Variants in PLPPR1 observed in about 807,000 individuals in gnomAD.
The protein encoded by PLPPR1 is phospholipid phosphatase-related protein type 1.
A neutral mutation model predicts 33.1 loss-of-function variants in PLPPR1; 10 were observed. That is an observed-to-expected ratio of 0.30 (90% confidence interval 0.19 to 0.51). The LOEUF (loss-of-function observed/expected upper bound fraction) is 0.51, where lower values mean the gene tolerates loss of function less well. Among genes scored for constraint, PLPPR1 ranks in the 20% least tolerant of loss-of-function variants. PLPPR1 has a pLI of 0.97. For synonymous variants in PLPPR1, 151 were observed against 151.0 expected (o/e 1.00, Z 0.00); for missense variants, 304 against 408.1 (o/e 0.74, Z 2.20).
intron 1 of PLPPR1, among the ~76,000 whole-genome samples, chr9:101,031,558 A>G (rs938542668): frequency 1.3e-5 from 2 of 152,218 alleles, no homozygotes; most frequent in Non-Finnish European, 2.9e-5. Context: ...TACTTGTTAC[A>G]TGCTGGAGGC....
rs549712791 is a variant in PLPPR1, at chr9:101,300,834, T to C, written c.386-8377T>C. Reference sequence around the variant, plus strand: ...TCCACTTTAAAGTTACCATAGCCTCTGGCAAACTTTTATGTTTTCCTCTGT... The same window carrying C: ...TCCACTTTAAAGTTACCATAGCCTCCGGCAAACTTTTATGTTTTCCTCTGT... On this transcript the variant is annotated intron_variant, in intron 4 of 7. Transcript: ENST00000374874. Among the ~76,000 whole-genome samples the C allele has an allele frequency of 7.9e-5, 12 of 152,340 alleles. No homozygotes were observed. In the East Asian group the frequency reaches 2.3e-3, roughly 29 times the overall value.
At chr9:101,210,399 G>A (rs1826668718) in intron 2 of PLPPR1, among the ~76,000 whole-genome samples, 1 of 152,112 alleles carries the variant, frequency 6.6e-6, no homozygotes. Context: ...AGTAAGCAGT[G>A]GTTAAACAAC....
chr9:101,261,067 T>C (rs1270107420), intron 2 of PLPPR1, among the ~76,000 whole-genome samples: 1 of 152,184 alleles, frequency 6.6e-6, no homozygotes, highest in Non-Finnish European at 1.5e-5. Flanking sequence ...CTAAGCTTTT[T>C]ATATACATCA....
intron 1 of PLPPR1, among the ~76,000 whole-genome samples, chr9:101,135,804 C>A (rs904663083): frequency 6.6e-6 from 1 of 152,206 alleles, no homozygotes; most frequent in Admixed American, 6.5e-5. Flanking sequence ...CATTCTTGTA[C>A]ATTTTCACCT....
At chr9:101,264,752 G>A (rs1000324326) in intron 2 of PLPPR1, among the ~76,000 whole-genome samples, 1 of 152,084 alleles carries the variant, frequency 6.6e-6, no homozygotes, top group African/African-American at 2.4e-5. Flanking sequence ...GTCTGTGCTT[G>A]GTTCATTGTT....
intron 2 of PLPPR1, among the ~76,000 whole-genome samples, chr9:101,253,291 T>TA (rs1827743490): frequency 6.6e-6 from 1 of 152,030 alleles, no homozygotes; most frequent in South Asian, 2.1e-4. Context: ...TTCATGCCTG[T>TA]AATCCCAGCA....
At chr9:101,200,783 A>T (rs1281061595) in intron 2 of PLPPR1, among the ~76,000 whole-genome samples, 1 of 152,196 alleles carries the variant, frequency 6.6e-6, no homozygotes, top group Non-Finnish European at 1.5e-5. Context: ...TTCTGGGGAT[A>T]AATGTTTGGT....
At chr9:101,170,134 T>C (rs1485929530) in intron 1 of PLPPR1, among the ~76,000 whole-genome samples, 1 of 152,118 alleles carries the variant, frequency 6.6e-6, no homozygotes, top group Non-Finnish European at 1.5e-5. Context: ...TATGAAGTGC[T>C]AAGGTTACTG....
chr9:101,164,694 C>T (rs192342905), intron 1 of PLPPR1, among the ~76,000 whole-genome samples: 3 of 152,034 alleles, frequency 2.0e-5, no homozygotes, highest in East Asian at 3.9e-4. Context: ...TTTTCATTCC[C>T]GTGATCCTTA....
chr9:101,172,652 T>G (rs1384647849), intron 1 of PLPPR1, among the ~76,000 whole-genome samples: 5 of 152,108 alleles, frequency 3.3e-5, no homozygotes, highest in African/African-American at 1.2e-4. Flanking sequence ...AAGGTCCCTC[T>G]GCAAACCCCC....
chr9:101,131,561 G>C (rs1475326206), intron 1 of PLPPR1: 1 of 152,186 alleles, frequency 6.6e-6, no homozygotes, highest in Non-Finnish European at 1.5e-5. Context: ...TAGAGGACTC[G>C]TCGTGAGCGG....
At chr9:101,083,679 G>A (rs1175614767) in intron 1 of PLPPR1, among the ~76,000 whole-genome samples, 1 of 152,160 alleles carries the variant, frequency 6.6e-6, no homozygotes, top group African/African-American at 2.4e-5. Context: ...TTACCATGCA[G>A]CATCCTCAGT....
chr9:101,156,586 G>C (rs966466808), intron 1 of PLPPR1, among the ~76,000 whole-genome samples: 3 of 129,742 alleles, frequency 2.3e-5, no homozygotes, highest in Non-Finnish European at 5.0e-5. Context: ...AAGAAAGAAA[G>C]AAAAAAAAGA....
chr9:101,158,117 G>C (rs905194846), intron 1 of PLPPR1, among the ~76,000 whole-genome samples: 2 of 152,164 alleles, frequency 1.3e-5, no homozygotes, highest in Admixed American at 6.5e-5. Context: ...GGGCAGAAAA[G>C]TGTTAGTTGG....
chr9:101,180,091 C>T (rs903046985), intron 1 of PLPPR1, among the ~76,000 whole-genome samples: 1 of 93,902 alleles, frequency 1.1e-5, no homozygotes, highest in East Asian at 3.4e-4. Flanking sequence ...AATAAACTCT[C>T]CTTTATATAT....
At chr9:101,286,077 G>T (rs1828387778) in intron 3 of PLPPR1, 27 bp from the exon 4 acceptor site, 2 of 1,600,514 alleles carry the variant, frequency 1.2e-6, no homozygotes, top group Non-Finnish European at 1.7e-6. Flanking sequence ...TCTCCAACTT[G>T]ACATTTCTTA....
chr9:101,216,806 A>G (rs1826805774), intron 2 of PLPPR1, among the ~76,000 whole-genome samples: 1 of 152,172 alleles, frequency 6.6e-6, no homozygotes, highest in Admixed American at 6.5e-5. Context: ...TACTCTACTC[A>G]TCAAATGCCT....
At chr9:101,304,929 G>A (rs1257998426) in intron 4 of PLPPR1, among the ~76,000 whole-genome samples, 1 of 152,092 alleles carries the variant, frequency 6.6e-6, no homozygotes, top group African/African-American at 2.4e-5. Context: ...GCCCATGCCT[G>A]TGCCCCTGCC....
intron 2 of PLPPR1, among the ~76,000 whole-genome samples, chr9:101,239,348 T>C (rs910585941): frequency 8.6e-5 from 13 of 151,874 alleles, no homozygotes; most frequent in Admixed American, 1.3e-4. Context: ...AGTGTATGAG[T>C]TCCCTTTTTG....
Sources: allele counts gnomAD v4.1 joint callset (sites outside exome capture counted in the v4.1 genomes callset), GRCh38; gene constraint gnomAD v4.1.1; transcripts MANE v1.5; gene names NCBI Gene and HGNC (gene_info 2026-07-23, HGNC 2026-07-21).